Variants in TENM3 observed in about 807,000 individuals in gnomAD.
TENM3 encodes teneurin transmembrane protein 3, also known as teneurin-3.
In TENM3, 63 loss-of-function variants were observed where a neutral mutation model predicts 255.1. The observed-to-expected ratio is 0.25, with a 90% CI of 0.20 to 0.30. The LOEUF is 0.30. TENM3 is among the 10% of genes least tolerant of loss of function. The pLI is 1.00. For missense variants in TENM3, 2,929 were observed against 3,461.1 expected, an observed-to-expected ratio of 0.85 and a Z score of 3.86; for synonymous variants, 1,306 against 1,322.3, an observed-to-expected ratio of 0.99 and a Z score of 0.27.
chr4:181,994,880 G>A, the TENM3 span, among the ~76,000 whole-genome samples: 1,550 of 152,242 alleles, frequency 0.01, 26 homozygotes, highest in African/African-American at 0.035. Context: ...GATACAATTT[G>A]AATATAACAA....
At chr4:182,740,524 C>T (rs1002593365) in intron 18 of TENM3, among the ~76,000 whole-genome samples, 2 of 152,152 alleles carry the variant, frequency 1.3e-5, no homozygotes, top group Admixed American at 6.5e-5. Context: ...CCTCTAAAAA[C>T]AAAACTAGGG....
intron 1 of TENM3, among the ~76,000 whole-genome samples, chr4:182,274,973 C>A (rs558201326): frequency 2.0e-5 from 3 of 152,118 alleles, no homozygotes; most frequent in South Asian, 2.1e-4. Flanking sequence ...TACAGGCACG[C>A]ACCACCACAC....
the TENM3 span, among the ~76,000 whole-genome samples, chr4:181,578,539 G>A: frequency 6.6e-6 from 1 of 152,216 alleles, no homozygotes; most frequent in African/African-American, 2.4e-5. Flanking sequence ...GGAAGGGCCA[G>A]AGGCTGCCAG....
At chr4:182,032,673 A>G in the TENM3 span, among the ~76,000 whole-genome samples, 2 of 152,146 alleles carry the variant, frequency 1.3e-5, no homozygotes, top group Non-Finnish European at 2.9e-5. Flanking sequence ...TTGTAAATCT[A>G]TCTGGTCCTG....
chr4:182,020,129 C>T, the TENM3 span, among the ~76,000 whole-genome samples: 1 of 152,048 alleles, frequency 6.6e-6, no homozygotes. Flanking sequence ...CTTTGGGAGG[C>T]TGAGGCGGCC....
chr4:181,777,408 A>G, the TENM3 span, among the ~76,000 whole-genome samples: 1 of 152,036 alleles, frequency 6.6e-6, no homozygotes, highest in East Asian at 1.9e-4. Flanking sequence ...TTTTTGTTCC[A>G]TACAAATTTT....
chr4:182,398,247 G>A (rs1259095302), intron 3 of TENM3, among the ~76,000 whole-genome samples: 1 of 152,144 alleles, frequency 6.6e-6, no homozygotes, highest in African/African-American at 2.4e-5. Context: ...CTAAGGGTGA[G>A]ATTGGCTCCA....
intron 6 of TENM3, among the ~76,000 whole-genome samples, chr4:182,663,572 T>G (rs1462783946): frequency 6.6e-6 from 1 of 152,220 alleles, no homozygotes; most frequent in African/African-American, 2.4e-5. Context: ...GTTTGTATAT[T>G]CATAGATGAA....
the TENM3 span, among the ~76,000 whole-genome samples, chr4:181,906,806 C>T: frequency 1.3e-5 from 2 of 152,194 alleles, no homozygotes; most frequent in African/African-American, 2.4e-5. Context: ...TTCTGCCTCC[C>T]GAGTAGCTGG....
At position 182,625,112 on chromosome 4, in the gene TENM3, T is replaced by C. The variant is rs548850118; in HGVS notation, c.750-3539T>C. On this transcript the variant is annotated intron_variant, in intron 4 of 27. Transcript: ENST00000511685. ...GTAGGTACTCAGGAAATGGCAGTTA[T>C]CATTATTGTTGTTAATGAAGCCGAC... 4.6e-5 allele frequency among the ~76,000 whole-genome samples: 7 copies of C among 152,234 alleles called. No homozygotes were observed. In the South Asian group the frequency reaches 6.2e-4, roughly 14 times the overall value.
the TENM3 span, among the ~76,000 whole-genome samples, chr4:182,101,152 G>A: frequency 1.4e-4 from 4 of 28,852 alleles, no homozygotes; most frequent in Non-Finnish European, 2.1e-4. Flanking sequence ...AGAAGGGAGG[G>A]AGGAAGGAAA....
At chr4:182,455,553 CTTTTTTTTTT>C (rs568361419) in intron 3 of TENM3, among the ~76,000 whole-genome samples, 9 of 73,138 alleles carry the variant, frequency 1.2e-4, no homozygotes, top group South Asian at 6.9e-4. Context: ...CATGGTATTT[CTTTTTTTTTT>C]TTTTTTTTTT....
At chr4:181,605,480 G>GAAAGAAAGAAAGAAAGAAAGAA in the TENM3 span, among the ~76,000 whole-genome samples, 1 of 63,898 alleles carries the variant, frequency 1.6e-5, no homozygotes, top group African/African-American at 6.8e-5. Flanking sequence ...GAGAGAAACA[G>GAAAGAAAGAAAGAAAGAAAGAA]AGAAAGAAAG....
intron 7 of TENM3, among the ~76,000 whole-genome samples, chr4:182,674,851 A>G (rs1181258837): frequency 6.6e-6 from 1 of 151,678 alleles, no homozygotes; most frequent in Non-Finnish European, 1.5e-5. Context: ...GATTACAGGC[A>G]TGAGCCACCG....
At chr4:181,749,015 C>A in the TENM3 span, among the ~76,000 whole-genome samples, 1 of 151,898 alleles carries the variant, frequency 6.6e-6, no homozygotes, top group African/African-American at 2.4e-5. Flanking sequence ...GATCAAGATG[C>A]TAAAGTGAAG....
chr4:181,611,592 T>A, the TENM3 span, among the ~76,000 whole-genome samples: 1 of 152,228 alleles, frequency 6.6e-6, no homozygotes, highest in Non-Finnish European at 1.5e-5. Context: ...TTGGTAACTC[T>A]TTTTCCTCCA....
intron 1 of TENM3, among the ~76,000 whole-genome samples, chr4:182,246,099 A>G (rs1436248388): frequency 1.3e-5 from 2 of 152,144 alleles, no homozygotes; most frequent in Non-Finnish European, 2.9e-5. Flanking sequence ...GCTATGGCAG[A>G]GGGTGGCACC....
chr4:182,395,318 C>T (rs1406690479), intron 3 of TENM3, among the ~76,000 whole-genome samples: 1 of 152,106 alleles, frequency 6.6e-6, no homozygotes, highest in Non-Finnish European at 1.5e-5. Context: ...TTATCACAAC[C>T]AGTGTTTATG....
At chr4:181,938,687 C>T in the TENM3 span, among the ~76,000 whole-genome samples, 1 of 152,194 alleles carries the variant, frequency 6.6e-6, no homozygotes, top group East Asian at 1.9e-4. Context: ...TCCCCCACCT[C>T]GTGCCCATTT....
Sources: allele counts gnomAD v4.1 joint callset (sites outside exome capture counted in the v4.1 genomes callset), GRCh38; gene constraint gnomAD v4.1.1; transcripts MANE v1.5; gene names NCBI Gene and HGNC (gene_info 2026-07-23, HGNC 2026-07-21).